POLR3B: variants seen among roughly 807,000 people sequenced by gnomAD.
POLR3B encodes the protein DNA-directed RNA polymerase III subunit RPC2.
A neutral mutation model predicts 147.4 loss-of-function variants in POLR3B; 96 were observed. The observed-to-expected ratio is 0.65, with a 90% CI of 0.55 to 0.77. The LOEUF (loss-of-function observed/expected upper bound fraction) is 0.77, where lower values mean the gene tolerates loss of function less well. Among genes scored for constraint, POLR3B ranks in the 30% least tolerant of loss-of-function variants. The pLI is 0.00. For missense variants in POLR3B, 1,036 were observed against 1,413.5 expected (o/e 0.73, Z 4.28); for synonymous variants, 461 against 485.9 (o/e 0.95, Z 0.67).
At chr12:106,492,672 G>T (rs1296940552) in intron 23 of POLR3B, among the ~76,000 whole-genome samples, 3 of 152,202 alleles carry the variant, frequency 2.0e-5, no homozygotes, top group Non-Finnish European at 4.4e-5. Context: ...ACAAATTGGT[G>T]TAGGAGCCAG....
At chr12:106,505,588 C>A (rs113235764) in intron 27 of POLR3B, among the ~76,000 whole-genome samples, 54 of 151,988 alleles carry the variant, frequency 3.6e-4, no homozygotes, top group African/African-American at 1.2e-3. Context: ...AAAGTGAGTT[C>A]TTTACTTACT....
chr12:106,498,615 C>G (rs1446920344), intron 25 of POLR3B, among the ~76,000 whole-genome samples: 1 of 150,032 alleles, frequency 6.7e-6, no homozygotes. Flanking sequence ...GAGCTTCGCT[C>G]TTATTGCCCA....
At chr12:106,403,996 CAG>C (rs1476150081) in intron 10 of POLR3B, among the ~76,000 whole-genome samples, 11 of 151,582 alleles carry the variant, frequency 7.3e-5, no homozygotes, top group Non-Finnish European at 1.5e-5. Context: ...ATTGTTGAAT[CAG>C]AGAGCAGATA....
In POLR3B at chr12:106,377,958, C is replaced by A. The variant is rs73390657; in HGVS notation, c.497-309C>A. Among the ~76,000 whole-genome samples, 1,236 of 152,238 alleles carry A rather than the reference C, an allele frequency of 8.1e-3. 16 individuals are homozygous for A. Among genetic ancestry groups the A allele is most frequent in the African/African-American group, 0.027 (1,132 of 41,522 alleles). Reference sequence around the variant, plus strand: ...TAAAAATTAGCTACGTGTGGTGGCACATGCCTCTAGTCCTAGCTACTCGGG... The same window carrying A: ...TAAAAATTAGCTACGTGTGGTGGCAAATGCCTCTAGTCCTAGCTACTCGGG... On this transcript the variant is annotated intron_variant, in intron 7 of 27. Transcript: ENST00000228347.
rs191605906 is a variant in POLR3B at position 106,471,696 on chromosome 12, G to C, written c.2713+8076G>C. Among the ~76,000 whole-genome samples the C allele has an allele frequency of 1.1e-3, 160 of 152,194 alleles. 2 individuals carry two copies. Among genetic ancestry groups the C allele is most frequent in the African/African-American group, 3.7e-3 (153 of 41,536 alleles). On this transcript the variant is annotated intron_variant, in intron 23 of 27. Coordinates refer to ENST00000228347, the MANE Select transcript of POLR3B (RefSeq NM_018082.6). ...CCTTTCTCTTAGCAGACACTTAATAGATAGTAGTTAATAGGTGAATTCACA... is the reference window on the plus strand; with the variant it reads ...CCTTTCTCTTAGCAGACACTTAATACATAGTAGTTAATAGGTGAATTCACA...
chr12:106,402,600 C>G (rs1412263211), intron 10 of POLR3B, among the ~76,000 whole-genome samples: 1 of 152,110 alleles, frequency 6.6e-6, no homozygotes, highest in East Asian at 1.9e-4. Flanking sequence ...GGTACTGGTA[C>G]CAAAACAGAA....
At chr12:106,474,922 C>A (rs12424939) in intron 23 of POLR3B, among the ~76,000 whole-genome samples, 1 of 139,696 alleles carries the variant, frequency 7.2e-6, no homozygotes, top group Non-Finnish European at 1.5e-5. Flanking sequence ...TGAATGTGTT[C>A]GCTCTTGCTT....
In POLR3B at chr12:106,499,308, A is replaced by G. The variant is rs536107601; in HGVS notation, c.2985-2015A>G. On this transcript the variant is annotated intron_variant, in intron 25 of 27. Transcript: ENST00000228347. ...GTGGACCTTCGTGAACATAATTTGT[A>G]CTGAAAGAATTGGATGGGTTATATC... Among the ~76,000 whole-genome samples the G allele has an allele frequency of 2.6e-5, 4 of 152,300 alleles. No individual in the cohort carries two copies. In the South Asian group the frequency reaches 8.3e-4, roughly 32 times the overall value.
chr12:106,392,736 C>T (rs1004932235), intron 9 of POLR3B, among the ~76,000 whole-genome samples: 12 of 152,142 alleles, frequency 7.9e-5, no homozygotes, highest in Non-Finnish European at 1.0e-4. Context: ...CTTTACCATA[C>T]CTCCCAGCCT....
chr12:106,459,118 G>C, intron 21 of POLR3B, 133 bp from the exon 22 acceptor site: 1 of 695,252 alleles, frequency 1.4e-6, no homozygotes. Flanking sequence ...CCTCAACCTA[G>C]GTTCAAGCAG....
At chr12:106,502,789 G>A (rs2038622392) in intron 26 of POLR3B, among the ~76,000 whole-genome samples, 1 of 152,124 alleles carries the variant, frequency 6.6e-6, no homozygotes, top group Non-Finnish European at 1.5e-5. Context: ...TACCGTAATT[G>A]GGTTAGATGT....
chr12:106,488,657 A>G (rs185928534), intron 23 of POLR3B, among the ~76,000 whole-genome samples: 2,559 of 146,150 alleles, frequency 0.018, 38 homozygotes, highest in South Asian at 0.047. Context: ...AAAGATAGGA[A>G]GAGACATTCA....
chr12:106,364,278 A>G (rs111916899), intron 2 of POLR3B, among the ~76,000 whole-genome samples: 95 of 152,356 alleles, frequency 6.2e-4, no homozygotes, highest in Middle Eastern at 3.4e-3. Context: ...CAAGGTGTTC[A>G]AGAGGAGCCT....
chr12:106,451,880 A>C (rs2037801964), intron 19 of POLR3B, among the ~76,000 whole-genome samples: 1 of 152,206 alleles, frequency 6.6e-6, no homozygotes, highest in Admixed American at 6.5e-5. Context: ...TCAAGAAAAT[A>C]GGGCTTTTTA....
chr12:106,456,142 T>C (rs903988429), intron 20 of POLR3B, among the ~76,000 whole-genome samples: 1 of 152,144 alleles, frequency 6.6e-6, no homozygotes, highest in Admixed American at 6.6e-5. Flanking sequence ...TTAAAATAAC[T>C]GCTTGGCCAA....
intron 6 of POLR3B, among the ~76,000 whole-genome samples, chr12:106,375,313 A>G (rs2036662917): frequency 6.6e-6 from 1 of 152,066 alleles, no homozygotes; most frequent in Non-Finnish European, 1.5e-5. Flanking sequence ...GCTTAGGTGT[A>G]GCTTTCTTTT....
chr12:106,490,455 A>G (rs2038392978), intron 23 of POLR3B, among the ~76,000 whole-genome samples: 1 of 152,216 alleles, frequency 6.6e-6, no homozygotes, highest in African/African-American at 2.4e-5. Flanking sequence ...ATTTAGAGTG[A>G]TGTTTTAATA....
intron 1 of POLR3B, 161 bp downstream of exon 1, chr12:106,358,112 G>C (rs943701988): frequency 6.7e-7 from 1 of 1,501,052 alleles, no homozygotes; most frequent in Non-Finnish European, 8.8e-7. Context: ...CTTTTTTCCA[G>C]AGCCGGCCTC....
At chr12:106,434,096 G>A (rs1205355386) in intron 16 of POLR3B, among the ~76,000 whole-genome samples, 2 of 152,158 alleles carry the variant, frequency 1.3e-5, no homozygotes, top group Admixed American at 6.5e-5. Context: ...GCCGGGAAAG[G>A]CAGAAAAAAT....
Sources: allele counts gnomAD v4.1 joint callset (sites outside exome capture counted in the v4.1 genomes callset), GRCh38; gene constraint gnomAD v4.1.1; transcripts MANE v1.5; gene names NCBI Gene and HGNC (gene_info 2026-07-23, HGNC 2026-07-21).